The following ZRANB3 variants were observed in gnomAD, a reference collection of about 807,000 sequenced individuals.
ZRANB3 encodes the protein zinc finger RANBP2-type containing 3, also known as DNA annealing helicase and endonuclease ZRANB3.
ZRANB3 carries 125 observed loss-of-function variants against 133.8 expected under a neutral mutation model. The ratio of observed to expected loss-of-function variants is 0.93; its 90% confidence interval spans 0.81 to 1.08. ZRANB3 has a LOEUF of 1.08. ZRANB3 is among the 50% of genes least tolerant of loss of function. ZRANB3 has a pLI of 0.00. For synonymous variants in ZRANB3, 387 were observed against 432.7 expected (o/e 0.89, Z 1.31); for missense variants, 1,229 against 1,275.5 (o/e 0.96, Z 0.56).
chr2:135,301,996 T>C (rs539063679), intron 8 of ZRANB3, among the ~76,000 whole-genome samples: 4 of 152,302 alleles, frequency 2.6e-5, no homozygotes, highest in African/African-American at 9.6e-5. Flanking sequence ...CTGGTATACA[T>C]ACAATATAAT....
intron 3 of ZRANB3, among the ~76,000 whole-genome samples, chr2:135,381,032 G>T (rs139619829): frequency 6.6e-6 from 1 of 152,134 alleles, no homozygotes; most frequent in Non-Finnish European, 1.5e-5. Context: ...TGCATTGAGC[G>T]TGAGCCTAAG....
At position 135,308,374 on chromosome 2, in the gene ZRANB3, T is replaced by C. The variant is rs1039164862; in HGVS notation, c.966+5115A>G. Reference sequence around the variant, plus strand: ...AGGGGGTACTCTGCCTCTTCCACAATGGCTTAAGGCTTTTGTTTAGTGTAA... The same window carrying C: ...AGGGGGTACTCTGCCTCTTCCACAACGGCTTAAGGCTTTTGTTTAGTGTAA... On this transcript the variant is annotated intron_variant, in intron 8 of 20. Transcript: ENST00000264159. Among the ~76,000 whole-genome samples, 5 of 152,216 alleles carry C rather than the reference T, an allele frequency of 3.3e-5. No individual in the cohort carries two copies. The South Asian group carries it at 8.3e-4, about 25-fold the overall frequency.
intron 12 of ZRANB3, among the ~76,000 whole-genome samples, chr2:135,234,424 C>A (rs1442666500): frequency 6.6e-6 from 1 of 152,192 alleles, no homozygotes; most frequent in African/African-American, 2.4e-5. Context: ...GAACTGAACC[C>A]AGCTCTGCAC....
intron 2 of ZRANB3, among the ~76,000 whole-genome samples, chr2:135,418,960 C>T (rs1475895889): frequency 3.6e-5 from 3 of 83,202 alleles, no homozygotes; most frequent in Admixed American, 2.0e-4. Context: ...TTTTTTGAGA[C>T]GGAGTCTCGT....
intron 14 of ZRANB3, among the ~76,000 whole-genome samples, chr2:135,226,500 G>T (rs993098795): frequency 1.3e-5 from 2 of 152,210 alleles, no homozygotes; most frequent in Non-Finnish European, 2.9e-5. Flanking sequence ...TCAAAAGAGG[G>T]AAGCACGACT....
chr2:135,342,583 T>A (rs1267731375), intron 6 of ZRANB3, among the ~76,000 whole-genome samples: 8 of 149,966 alleles, frequency 5.3e-5, no homozygotes, highest in Non-Finnish European at 1.2e-4. Flanking sequence ...GTGCTGGGAT[T>A]ACAGGTGTGA....
intron 2 of ZRANB3, among the ~76,000 whole-genome samples, chr2:135,401,702 C>T (rs1453824446): frequency 2.6e-5 from 4 of 152,116 alleles, no homozygotes; most frequent in East Asian, 1.9e-4. Context: ...AATCTGGAAC[C>T]GTAATAGCTG....
intron 3 of ZRANB3, among the ~76,000 whole-genome samples, chr2:135,368,310 T>C (rs1686025574): frequency 1.3e-5 from 2 of 152,006 alleles, no homozygotes; most frequent in Non-Finnish European, 2.9e-5. Context: ...ATAAATGTTA[T>C]TTGCTATGTA....
chr2:135,472,822 T>A (rs561363342), intron 2 of ZRANB3, among the ~76,000 whole-genome samples: 2 of 152,310 alleles, frequency 1.3e-5, no homozygotes, highest in South Asian at 4.1e-4. Flanking sequence ...TAAATTTGTA[T>A]AAATGAACCA....
intron 2 of ZRANB3, among the ~76,000 whole-genome samples, chr2:135,444,967 G>A (rs796234566): frequency 3.3e-5 from 5 of 152,222 alleles, no homozygotes; most frequent in African/African-American, 7.2e-5. Context: ...AGTAGCCTCC[G>A]TAAGTGTAAT....
At chr2:135,430,724 A>T (rs904470411) in intron 2 of ZRANB3, among the ~76,000 whole-genome samples, 1 of 152,206 alleles carries the variant, frequency 6.6e-6, no homozygotes, top group Admixed American at 6.5e-5. Flanking sequence ...AGATATATAG[A>T]TTAATCAAAC....
chr2:135,224,833 C>A (rs917336069), intron 14 of ZRANB3, among the ~76,000 whole-genome samples: 1 of 152,070 alleles, frequency 6.6e-6, no homozygotes, highest in African/African-American at 2.4e-5. Flanking sequence ...TGCTATTGGT[C>A]TTGAAAAAAT....
intron 3 of ZRANB3, among the ~76,000 whole-genome samples, chr2:135,384,356 A>C (rs899357253): frequency 1.3e-5 from 2 of 152,106 alleles, no homozygotes; most frequent in African/African-American, 2.4e-5. Context: ...TAATTAATAG[A>C]TTAACAACCA....
chr2:135,321,455 C>T (rs1337058335), intron 6 of ZRANB3, among the ~76,000 whole-genome samples: 2 of 148,590 alleles, frequency 1.3e-5, no homozygotes, highest in South Asian at 2.1e-4. Context: ...ATTTTGTTTT[C>T]TTATTACTGA....
chr2:135,510,508 G>A, intron 1 of ZRANB3: 2 of 595,096 alleles, frequency 3.4e-6, no homozygotes, highest in Non-Finnish European at 6.2e-6. Context: ...TTCTGTAGGA[G>A]CTAGGGTTTG....
intron 8 of ZRANB3, among the ~76,000 whole-genome samples, chr2:135,282,786 T>G (rs748622963): frequency 6.6e-6 from 1 of 152,142 alleles, no homozygotes; most frequent in Non-Finnish European, 1.5e-5. Context: ...AATCTTTCCA[T>G]AAGGTTTTCA....
At chr2:135,491,857 G>A (rs1232283099) in intron 2 of ZRANB3, among the ~76,000 whole-genome samples, 1 of 152,036 alleles carries the variant, frequency 6.6e-6, no homozygotes, top group African/African-American at 2.4e-5. Flanking sequence ...TATTATTAAA[G>A]ATACAAAGGT....
intron 11 of ZRANB3, among the ~76,000 whole-genome samples, chr2:135,268,168 T>C (rs1255310064): frequency 6.6e-6 from 1 of 152,050 alleles, no homozygotes; most frequent in Admixed American, 6.6e-5. Flanking sequence ...CTTTTTTTTT[T>C]CTTTTGAGAC....
chr2:135,473,025 T>C (rs927573389), intron 2 of ZRANB3, among the ~76,000 whole-genome samples: 10 of 152,206 alleles, frequency 6.6e-5, no homozygotes, highest in Admixed American at 6.5e-4. Flanking sequence ...AGCTGTACTA[T>C]AAGCATTTTA....
Sources: gnomAD v4.1 joint callset for allele counts (sites outside exome capture counted in the v4.1 genomes callset) on GRCh38, gnomAD v4.1.1 for gene constraint, MANE v1.5 for transcripts, NCBI Gene and HGNC (gene_info 2026-07-23, HGNC 2026-07-21) for gene names.